GSG1L: variants seen among roughly 807,000 people sequenced by gnomAD.
The protein encoded by GSG1L is GSG1 like, also known as germ cell-specific gene 1-like protein.
GSG1L carries 24 observed loss-of-function variants against 42.1 expected under a neutral mutation model. The observed-to-expected ratio is 0.57, with a 90% CI of 0.41 to 0.80. The LOEUF (loss-of-function observed/expected upper bound fraction) is 0.80. Among genes scored for constraint, GSG1L ranks in the 30% least tolerant of loss-of-function variants. The probability of loss-of-function intolerance (pLI) is 0.00; values close to 1 mark genes in which losing one functional copy is unlikely to be tolerated. For missense variants in GSG1L, 445 were observed against 472.2 expected (o/e 0.94, Z 0.53); for synonymous variants, 215 against 203.5 (o/e 1.06, Z -0.48).
intron 5 of GSG1L, among the ~76,000 whole-genome samples, chr16:27,824,441 G>A (rs705911): frequency 0.62 from 93,787 of 151,956 alleles, 29,973 homozygotes; most frequent in African/African-American, 0.78. Flanking sequence ...TCCTGGCTGC[G>A]GCTCCAAGGA....
At chr16:27,980,901 C>CAAAAAAAAAAAAAAAAAAAAAAAAAAAA (rs11390148) in intron 1 of GSG1L, among the ~76,000 whole-genome samples, 1 of 127,048 alleles carries the variant, frequency 7.9e-6, no homozygotes, top group Non-Finnish European at 1.6e-5. Context: ...AACCAAAAAA[C>CAAAAAAAAAAAAAAAAAAAAAAAAAAAA]AAAAAAAAAA....
chr16:27,797,976 A>G (rs2082838855), intron 6 of GSG1L, among the ~76,000 whole-genome samples: 1 of 152,144 alleles, frequency 6.6e-6, no homozygotes, highest in Non-Finnish European at 1.5e-5. Flanking sequence ...GAGCTAAACA[A>G]CAAGCACATA....
At chr16:28,038,574 G>A (rs904336502) in intron 1 of GSG1L, among the ~76,000 whole-genome samples, 11 of 152,024 alleles carry the variant, frequency 7.2e-5, no homozygotes, top group African/African-American at 2.7e-4. Flanking sequence ...TTGGTACTAC[G>A]GGCGGTGGGG....
At chr16:27,877,266 G>A (rs1336618575) in intron 3 of GSG1L, among the ~76,000 whole-genome samples, 2 of 152,146 alleles carry the variant, frequency 1.3e-5, no homozygotes, top group African/African-American at 4.8e-5. Context: ...GGGAGAGCAC[G>A]AGAAAGGCCG....
chr16:27,873,941 G>A (rs1236045371), intron 3 of GSG1L, among the ~76,000 whole-genome samples: 20 of 152,166 alleles, frequency 1.3e-4, no homozygotes. Flanking sequence ...AAATGCTTAA[G>A]GCATTAGTCC....
intron 4 of GSG1L, among the ~76,000 whole-genome samples, chr16:27,837,097 T>C (rs34183116): frequency 0.092 from 14,074 of 152,236 alleles, 736 homozygotes; most frequent in East Asian, 0.17. Context: ...GAGGTTTAAC[T>C]GACTCAGTTC....
chr16:27,840,469 C>T (rs746321174), intron 4 of GSG1L, among the ~76,000 whole-genome samples: 13 of 152,112 alleles, frequency 8.5e-5, no homozygotes, highest in Non-Finnish European at 1.8e-4. Context: ...AGGGTCCTGA[C>T]CTGACGTTGT....
At chr16:27,822,718 T>C (rs1483039427) in intron 5 of GSG1L, among the ~76,000 whole-genome samples, 1 of 152,178 alleles carries the variant, frequency 6.6e-6, no homozygotes, top group East Asian at 1.9e-4. Flanking sequence ...GAGCCTGGCC[T>C]AATATTGTTA....
intron 1 of GSG1L, among the ~76,000 whole-genome samples, chr16:28,020,342 C>T (rs1026322475): frequency 2.6e-5 from 4 of 152,108 alleles, no homozygotes; most frequent in South Asian, 2.1e-4. Context: ...ATCTGAGAAC[C>T]AATCTACATT....
At chr16:27,899,926 G>T (rs2084237258) in intron 2 of GSG1L, among the ~76,000 whole-genome samples, 1 of 152,202 alleles carries the variant, frequency 6.6e-6, no homozygotes, top group South Asian at 2.1e-4. Flanking sequence ...ACTGGGTGAT[G>T]TGGATTCCAC....
At chr16:27,900,852 G>C (rs2084248589) in intron 2 of GSG1L, among the ~76,000 whole-genome samples, 1 of 151,734 alleles carries the variant, frequency 6.6e-6, no homozygotes, top group Admixed American at 6.6e-5. Context: ...CATAGGCCGA[G>C]CATGGTGGCT....
At chr16:27,867,812 G>GC (rs760408497) in intron 3 of GSG1L, among the ~76,000 whole-genome samples, 1 of 145,994 alleles carries the variant, frequency 6.8e-6, no homozygotes, top group Admixed American at 6.7e-5. Flanking sequence ...CTGAGGCCAC[G>GC]CCCCCTGAGG....
intron 5 of GSG1L, chr16:27,824,022 TA>T (rs2083179143): frequency 1.5e-6 from 1 of 676,588 alleles, no homozygotes; most frequent in Non-Finnish European, 2.7e-6. Flanking sequence ...GGGCCACAGA[TA>T]ATAACGAGAT....
Position 28,059,066 on chromosome 16 carries a change from G to T in GSG1L, c.349+4010C>A, listed in dbSNP as rs2086311177. On this transcript the variant is annotated intron_variant, in intron 1 of 6. Coordinates refer to ENST00000447459, the MANE Select transcript of GSG1L (RefSeq NM_001109763.2). This position sits in a 1 kb window ranked among gnomAD's most constrained non-coding sequence, Gnocchi z 4.4. ...GTGGCTGTGGGTGGCTCAGCCCAGGGTGGCGGCAACACCGAGGTGGTGCTC... is the reference window on the plus strand; with the variant it reads ...GTGGCTGTGGGTGGCTCAGCCCAGGTTGGCGGCAACACCGAGGTGGTGCTC... Among the ~76,000 whole-genome samples the T allele has an allele frequency of 6.6e-6, 1 of 152,138 alleles. No individual in the cohort carries two copies. Among genetic ancestry groups the T allele is most frequent in the Non-Finnish European group, 1.5e-5 (1 of 68,016 alleles).
chr16:28,049,037 A>G (rs957637245), intron 1 of GSG1L, among the ~76,000 whole-genome samples: 2 of 152,194 alleles, frequency 1.3e-5, no homozygotes, highest in African/African-American at 4.8e-5. Flanking sequence ...CAGTCTCAGT[A>G]CAGATCCTGT....
At chr16:27,957,976 A>G (rs377306425) in intron 2 of GSG1L, among the ~76,000 whole-genome samples, 14 of 152,312 alleles carry the variant, frequency 9.2e-5, no homozygotes, top group African/African-American at 2.4e-4. Context: ...GAATTCACGC[A>G]TTACCAAGGG....
chr16:27,882,976 C>T (rs772968425), intron 3 of GSG1L, among the ~76,000 whole-genome samples: 7 of 151,434 alleles, frequency 4.6e-5, no homozygotes, highest in African/African-American at 9.7e-5. Flanking sequence ...TGGTCGTGGT[C>T]GGGGGGATGG....
chr16:27,933,954 A>C (rs892079236), intron 2 of GSG1L, among the ~76,000 whole-genome samples: 2 of 152,158 alleles, frequency 1.3e-5, no homozygotes. Context: ...GGGAGGATGA[A>C]GGGCTTGGAG....
chr16:27,799,678 A>C (rs1454787168), intron 6 of GSG1L, among the ~76,000 whole-genome samples: 1 of 152,166 alleles, frequency 6.6e-6, no homozygotes, highest in Non-Finnish European at 1.5e-5. Flanking sequence ...GAACTTGTGA[A>C]GGGGGCGGGC....
Sources: gnomAD v4.1 joint callset for allele counts (sites outside exome capture counted in the v4.1 genomes callset) on GRCh38, gnomAD v4.1.1 for gene constraint, Gnocchi (gnomAD v3.1) non-coding constraint, MANE v1.5 for transcripts, NCBI Gene and HGNC (gene_info 2026-07-23, HGNC 2026-07-21) for gene names.